Variants in FCHSD2 observed in about 807,000 individuals in gnomAD.
FCHSD2 encodes FCH and double SH3 domains 2.
Under a neutral mutation model 108.1 loss-of-function variants are expected in FCHSD2, and 38 were observed. The ratio of observed to expected loss-of-function variants is 0.35; its 90% CI spans 0.27 to 0.46. The LOEUF is 0.46. Ranked by LOEUF, FCHSD2 falls within the 20% of genes least tolerant of loss-of-function variation. The probability of loss-of-function intolerance (pLI) is 1.00; values close to 1 mark genes in which losing one functional copy is unlikely to be tolerated. For synonymous variants in FCHSD2, 279 were observed against 314.7 expected (o/e 0.89, Z 1.20); for missense variants, 751 against 897.8 (o/e 0.84, Z 2.09).
intron 8 of FCHSD2, among the ~76,000 whole-genome samples, chr11:72,951,545 T>C (rs757848507): frequency 5.9e-5 from 9 of 152,254 alleles, no homozygotes; most frequent in Non-Finnish European, 1.2e-4. Context: ...AACTGTGGGA[T>C]TGTAAAATTT....
rs551198672 is a variant in FCHSD2, at chr11:73,101,527, T to C, written c.120-17787A>G. Among the ~76,000 whole-genome samples, 6 of 152,044 alleles carry C rather than the reference T, an allele frequency of 3.9e-5. No homozygotes were observed. In the East Asian group the frequency reaches 1.2e-3, roughly 29 times the overall value. On this transcript the variant is annotated intron_variant, in intron 2 of 19. Coordinates refer to ENST00000409418, the MANE Select transcript of FCHSD2 (RefSeq NM_014824.3). ...TGATCATGGCTCACTGCAGTCTCCA[T>C]CTCCTGGGCTCAAGATCCTCCCACC...
intron 12 of FCHSD2, among the ~76,000 whole-genome samples, chr11:72,879,130 A>G (rs1855028600): frequency 6.6e-6 from 1 of 152,092 alleles, no homozygotes; most frequent in African/African-American, 2.4e-5. Context: ...ACAAAACAAA[A>G]AAACAAAAAA....
intron 14 of FCHSD2, among the ~76,000 whole-genome samples, chr11:72,846,975 T>C (rs1861162713): frequency 6.6e-6 from 1 of 152,220 alleles, no homozygotes. Flanking sequence ...TTATTCTCAT[T>C]GAACTGCCAA....
rs1860906921 is a variant in FCHSD2 at position 72,840,905 on chromosome 11, G to A, written c.2111C>T (p.Pro704Leu). ...TCGCAGTTTGCCATATGAGGTCTCAGGAGTATGCCTTGATGCCTGTGAGAA... is the reference window on the plus strand; with the variant it reads ...TCGCAGTTTGCCATATGAGGTCTCAAGAGTATGCCTTGATGCCTGTGAGAA... The part of the protein sequence containing the change: ...PGFSQASRHT[P>L]ETSYGKLRPV... Residue 704 changes from proline to leucine, a missense_variant, in exon 19 of 20, where the codon CCT becomes CTT. Physicochemically the swap from Pro to Leu is moderately conservative, Grantham distance 98. Transcript: ENST00000409418. 1.2e-6 allele frequency: 2 copies of A among 1,613,056 alleles called. No homozygotes were observed. The highest frequency in any genetic ancestry group is 1.7e-6 in the Non-Finnish European group (2 of 1,179,192).
intron 4 of FCHSD2, among the ~76,000 whole-genome samples, chr11:73,014,120 GTTTCTTTTT>G (rs1857917603): frequency 7.2e-6 from 1 of 139,338 alleles, no homozygotes; most frequent in Non-Finnish European, 1.5e-5. Flanking sequence ...AATCTGTGTG[GTTTCTTTTT>G]TTTTTTTTTT....
intron 13 of FCHSD2, among the ~76,000 whole-genome samples, chr11:72,856,413 C>T (rs779824239): frequency 1.2e-4 from 19 of 152,160 alleles, no homozygotes; most frequent in Non-Finnish European, 2.4e-4. Flanking sequence ...TCCTCTTAAC[C>T]ACTGTTTGCC....
At chr11:73,019,049 TGATA>T in intron 3 of FCHSD2, among the ~76,000 whole-genome samples, 1 of 152,264 alleles carries the variant, frequency 6.6e-6, no homozygotes, top group South Asian at 2.1e-4. Flanking sequence ...TGGCAAAATG[TGATA>T]TAAGTACCCA....
At chr11:72,963,593 C>T (rs1047098200) in intron 8 of FCHSD2, among the ~76,000 whole-genome samples, 4 of 152,094 alleles carry the variant, frequency 2.6e-5, no homozygotes, top group African/African-American at 9.7e-5. Flanking sequence ...GCACCAGGGA[C>T]CAGTTTCGTG....
chr11:72,907,033 G>A (rs112759795), intron 9 of FCHSD2, among the ~76,000 whole-genome samples: 16 of 151,646 alleles, frequency 1.1e-4, no homozygotes, highest in South Asian at 2.1e-4. Flanking sequence ...ATTTGTTTGC[G>A]TCCTCTTTTA....
At chr11:73,000,396 G>A (rs1412153892) in intron 5 of FCHSD2, among the ~76,000 whole-genome samples, 1 of 151,938 alleles carries the variant, frequency 6.6e-6, no homozygotes, top group African/African-American at 2.4e-5. Context: ...ATTTTCAACA[G>A]CCAACTTTTC....
intron 8 of FCHSD2, among the ~76,000 whole-genome samples, chr11:72,964,003 G>C (rs1051138910): frequency 2.6e-5 from 4 of 152,194 alleles, no homozygotes; most frequent in Admixed American, 2.6e-4. Context: ...CAAGTAACCA[G>C]AGGGCTCTAT....
chr11:72,857,716 C>T (rs1861462420), intron 13 of FCHSD2, among the ~76,000 whole-genome samples: 1 of 151,728 alleles, frequency 6.6e-6, no homozygotes, highest in South Asian at 2.1e-4. Flanking sequence ...TTCCAAAGTG[C>T]TTGGATTACA....
At chr11:73,057,921 C>T (rs897251884) in intron 3 of FCHSD2, among the ~76,000 whole-genome samples, 2 of 151,574 alleles carry the variant, frequency 1.3e-5, no homozygotes, top group African/African-American at 4.9e-5. Context: ...GCTCTGTCGC[C>T]CAGGCTGGAG....
At chr11:72,908,866 C>T (rs1172416801) in intron 9 of FCHSD2, among the ~76,000 whole-genome samples, 2 of 152,088 alleles carry the variant, frequency 1.3e-5, no homozygotes, top group African/African-American at 2.4e-5. Context: ...GTTGCCCAGG[C>T]TGGTCTCTAA....
At chr11:72,907,607 T>G (rs1855658770) in intron 9 of FCHSD2, among the ~76,000 whole-genome samples, 1 of 147,560 alleles carries the variant, frequency 6.8e-6, no homozygotes, top group Non-Finnish European at 1.5e-5. Context: ...GGGTTTTTTT[T>G]TTTTTTTTTT....
At chr11:72,898,926 T>C (rs1369680643) in intron 10 of FCHSD2, among the ~76,000 whole-genome samples, 1 of 151,828 alleles carries the variant, frequency 6.6e-6, no homozygotes, top group Non-Finnish European at 1.5e-5. Flanking sequence ...TATTTTTTTT[T>C]TAGAGAAAGG....
At chr11:72,913,120 G>C (rs1855796363) in intron 9 of FCHSD2, among the ~76,000 whole-genome samples, 1 of 152,128 alleles carries the variant, frequency 6.6e-6, no homozygotes, top group African/African-American at 2.4e-5. Context: ...ACTACCAAGA[G>C]AACAGCAAGG....
intron 8 of FCHSD2, among the ~76,000 whole-genome samples, chr11:72,965,031 C>T (rs778832356): frequency 3.9e-5 from 6 of 152,218 alleles, no homozygotes; most frequent in African/African-American, 9.6e-5. Flanking sequence ...CCTCATGATC[C>T]GCCCGCCTTG....
chr11:73,067,533 T>A (rs912824027), intron 3 of FCHSD2, among the ~76,000 whole-genome samples: 1 of 151,140 alleles, frequency 6.6e-6, no homozygotes, highest in South Asian at 2.1e-4. Context: ...TAAAAAACAA[T>A]TTGAACTTCC....
Sources: allele counts gnomAD v4.1 joint callset (sites outside exome capture counted in the v4.1 genomes callset), GRCh38; gene constraint gnomAD v4.1.1; transcripts MANE v1.5; gene names NCBI Gene and HGNC (gene_info 2026-07-23, HGNC 2026-07-21).